FBXO42: variants seen among roughly 807,000 people sequenced by gnomAD.
FBXO42 encodes F-box protein 42.
In FBXO42, 12 loss-of-function variants were observed where a neutral mutation model predicts 71.7. That is an observed-to-expected ratio of 0.17 (90% CI 0.11 to 0.27). The LOEUF is 0.27. Ranked by LOEUF, FBXO42 falls within the 10% of genes least tolerant of loss-of-function variation. FBXO42 has a pLI of 1.00. For missense variants in FBXO42, 707 were observed against 911.9 expected (o/e 0.78, Z 2.89); for synonymous variants, 325 against 327.5 (o/e 0.99, Z 0.08).
rs1198621618 is a variant in FBXO42, at chr1:16,249,286, C to T, written c.*1384G>A. On this transcript the variant is annotated 3_prime_UTR_variant, in exon 10 of 10. Coordinates refer to ENST00000375592, the MANE Select transcript of FBXO42 (RefSeq NM_018994.3). ...CAAAGAAATGCTCTACTTGGTTACACCTTAATCTCAGAAATGAAGTGAAAG... is the reference window on the plus strand; with the variant it reads ...CAAAGAAATGCTCTACTTGGTTACATCTTAATCTCAGAAATGAAGTGAAAG... The T allele has an allele frequency of 1.3e-5, 2 of 152,118 alleles. No homozygotes were observed. Among genetic ancestry groups the T allele is most frequent in the Non-Finnish European group, 2.9e-5 (2 of 68,028 alleles). The allele number at this position is 152,118 out of a possible 1,614,324, so 9.4% of individuals were successfully genotyped here. A position where few individuals can be genotyped will look rare whatever the true frequency, so the allele number is the denominator to read the frequency against.
intron 1 of FBXO42, among the ~76,000 whole-genome samples, chr1:16,344,486 C>CTTTTTTTTTTT (rs59077549): frequency 1.6e-4 from 14 of 87,148 alleles, no homozygotes; most frequent in African/African-American, 6.2e-4. Context: ...ACCCAGCTAA[C>CTTTTTTTTTTT]TTTTTTTTTT....
chr1:16,312,908 C>T (rs2082326744), intron 2 of FBXO42, among the ~76,000 whole-genome samples: 2 of 151,762 alleles, frequency 1.3e-5, no homozygotes, highest in South Asian at 4.2e-4. Context: ...GTTTCTCCTG[C>T]CTCAGCCTCC....
intron 4 of FBXO42, among the ~76,000 whole-genome samples, chr1:16,257,032 G>A (rs2081653684): frequency 6.6e-6 from 1 of 152,200 alleles, no homozygotes; most frequent in East Asian, 1.9e-4. Context: ...AATTAGGGAT[G>A]AGAGTACCTA....
chr1:16,351,332 A>G lies in FBXO42; in HGVS notation c.-18+923T>C, dbSNP rs183060078. 1.6e-3 allele frequency among the ~76,000 whole-genome samples: 248 copies of G among 152,288 alleles called. 2 individuals carry two copies. Among genetic ancestry groups the G allele is most frequent in the African/African-American group, 4.1e-3 (172 of 41,562 alleles). On this transcript the variant is annotated intron_variant, in intron 1 of 9. Transcript: ENST00000375592. ...TTAAACAGCAATAAAAGTTGTTCTC[A>G]AAAAGGAACAACATAGTTTCAACGT...
intron 4 of FBXO42, among the ~76,000 whole-genome samples, chr1:16,265,718 T>C (rs2081764144): frequency 6.6e-6 from 1 of 151,790 alleles, no homozygotes; most frequent in Non-Finnish European, 1.5e-5. Flanking sequence ...CCTAAAGGGT[T>C]ATTTAATGAA....
intron 8 of FBXO42, 79 bp downstream of exon 8, chr1:16,253,017 C>G (rs1340172097): frequency 1.6e-6 from 2 of 1,251,198 alleles, no homozygotes; most frequent in East Asian, 4.7e-5. Flanking sequence ...CTTGTATACT[C>G]CTAGAAAAGA....
At chr1:16,346,368 T>C (rs577216177) in intron 1 of FBXO42, among the ~76,000 whole-genome samples, 85 of 152,230 alleles carry the variant, frequency 5.6e-4, no homozygotes, top group Middle Eastern at 3.4e-3. Flanking sequence ...AGAAATTAAA[T>C]GAACTACTTC....
Position 16,251,785 on chromosome 1 carries a change from C to A in FBXO42, c.1039G>T (p.Val347Leu). 1 of 1,610,278 alleles carries A rather than the reference C, an allele frequency of 6.2e-7. No individual in the cohort carries two copies. Among genetic ancestry groups the A allele is most frequent in the Non-Finnish European group, 8.5e-7 (1 of 1,177,772 alleles). Residue 347 changes from valine to leucine, a missense_variant and splice_region_variant, in exon 10 of 10, where the codon GTG becomes TTG. Val to Leu is a conservative substitution (Grantham distance 32). Around this residue, in one of 5 missense-constraint regions of FBXO42, gnomAD observed 482 missense variants for 587.1 expected, o/e 0.82. Transcript: ENST00000375592. The surrounding 1 kb of genome is among the most constrained non-coding windows in gnomAD (Gnocchi z 4.5). ...PELWCHPACR[V>L]GQCVVVFSQA... ...CTGAAGACCACCACACACTGTCCCA[C>A]CTGGAAGACAAAGGACCAGTGCTCA...
intron 1 of FBXO42, among the ~76,000 whole-genome samples, chr1:16,326,436 C>A (rs2082453520): frequency 6.6e-6 from 1 of 151,550 alleles, no homozygotes; most frequent in Non-Finnish European, 1.5e-5. Context: ...GTAATCCCAG[C>A]ACTTTGGGAG....
chr1:16,280,755 G>C (rs913937387), intron 4 of FBXO42, among the ~76,000 whole-genome samples: 2 of 152,010 alleles, frequency 1.3e-5, no homozygotes, highest in Non-Finnish European at 2.9e-5. Flanking sequence ...GCTTGGGAGA[G>C]AGAGTGAAAC....
chr1:16,263,451 G>A (rs1280458799), intron 4 of FBXO42, among the ~76,000 whole-genome samples: 1 of 151,306 alleles, frequency 6.6e-6, no homozygotes, highest in Non-Finnish European at 1.5e-5. Flanking sequence ...AGAAAAAAGA[G>A]TACCTACAAA....
intron 4 of FBXO42, chr1:16,292,844 C>T (rs902686869): frequency 5.9e-5 from 9 of 152,146 alleles, no homozygotes; most frequent in African/African-American, 1.9e-4. Flanking sequence ...TACAAGATCC[C>T]AAGCATGGTG....
At chr1:16,259,719 T>G (rs956976199) in intron 4 of FBXO42, among the ~76,000 whole-genome samples, 2 of 149,916 alleles carry the variant, frequency 1.3e-5, no homozygotes, top group Non-Finnish European at 3.0e-5. Flanking sequence ...TGAGCCGAGA[T>G]TGAGCCACTG....
chr1:16,328,178 T>A (rs1258852866), intron 1 of FBXO42, among the ~76,000 whole-genome samples: 2 of 152,056 alleles, frequency 1.3e-5, no homozygotes, highest in Admixed American at 6.6e-5. Context: ...TGTAAATTTT[T>A]AAAAAAAACC....
chr1:16,278,419 G>C (rs1016137146), intron 4 of FBXO42, among the ~76,000 whole-genome samples: 1 of 151,778 alleles, frequency 6.6e-6, no homozygotes, highest in Admixed American at 6.6e-5. Flanking sequence ...TGTTAGCACC[G>C]ACGTTTGGGA....
intron 4 of FBXO42, among the ~76,000 whole-genome samples, chr1:16,276,409 AAAG>A (rs985485774): frequency 2.6e-5 from 4 of 151,824 alleles, no homozygotes; most frequent in African/African-American, 9.7e-5. Flanking sequence ...AAAGAAAAGA[AAAG>A]AAAACTGGAG....
chr1:16,330,247 G>A (rs919528595), intron 1 of FBXO42, among the ~76,000 whole-genome samples: 2 of 152,214 alleles, frequency 1.3e-5, no homozygotes, highest in Non-Finnish European at 2.9e-5. Context: ...TAGGCAGGGT[G>A]CAGGGGCTCA....
chr1:16,316,855 A>G (rs1011172913), intron 1 of FBXO42, among the ~76,000 whole-genome samples: 2 of 152,206 alleles, frequency 1.3e-5, no homozygotes, highest in African/African-American at 4.8e-5. Context: ...CCAGGCAGTA[A>G]AAAACTAGAA....
At chr1:16,338,131 C>A (rs1310433465) in intron 1 of FBXO42, among the ~76,000 whole-genome samples, 1 of 151,192 alleles carries the variant, frequency 6.6e-6, no homozygotes, top group African/African-American at 2.4e-5. Context: ...TGGTGGCAGG[C>A]GCCTGTAGTC....
Sources: gnomAD v4.1 joint callset for allele counts (sites outside exome capture counted in the v4.1 genomes callset) on GRCh38, gnomAD v4.1.1 for gene constraint, gnomAD v4.1.1 regional missense constraint, Gnocchi (gnomAD v3.1) non-coding constraint, MANE v1.5 for transcripts, NCBI Gene and HGNC (gene_info 2026-07-23, HGNC 2026-07-21) for gene names.